Variants in TMEM117 observed in about 807,000 individuals in gnomAD.
TMEM117 encodes transmembrane protein 117.
TMEM117 carries 27 observed loss-of-function variants against 52.4 expected under a neutral mutation model. That is an observed-to-expected ratio of 0.51 (90% confidence interval 0.38 to 0.71). The LOEUF (loss-of-function observed/expected upper bound fraction) is 0.71. Among genes scored for constraint, TMEM117 ranks in the 30% least tolerant of loss-of-function variants. The pLI, the probability that TMEM117 is intolerant of heterozygous loss-of-function variation, is 0.00. For missense variants in TMEM117, 556 were observed against 630.5 expected, an observed-to-expected ratio of 0.88 and a Z score of 1.26; for synonymous variants, 215 against 206.3, an observed-to-expected ratio of 1.04 and a Z score of -0.36.
At chr12:43,899,836 CAG>C (rs1368326084) in intron 2 of TMEM117, among the ~76,000 whole-genome samples, 1 of 149,612 alleles carries the variant, frequency 6.7e-6, no homozygotes, top group Non-Finnish European at 1.5e-5. Context: ...TGGAAGCAGA[CAG>C]AGCTGGATTT....
chr12:43,947,114 AC>A (rs1945146254), intron 3 of TMEM117, among the ~76,000 whole-genome samples: 1 of 152,178 alleles, frequency 6.6e-6, no homozygotes, highest in African/African-American at 2.4e-5. Context: ...CAGCAGGATC[AC>A]TTAAGGCCAG....
chr12:43,865,270 A>C (rs1943570200), intron 2 of TMEM117, among the ~76,000 whole-genome samples: 1 of 152,206 alleles, frequency 6.6e-6, no homozygotes, highest in African/African-American at 2.4e-5. Flanking sequence ...AGTCATACCA[A>C]GTTAGAAGGA....
At chr12:43,968,591 T>C (rs1384325018) in intron 3 of TMEM117, among the ~76,000 whole-genome samples, 4 of 152,200 alleles carry the variant, frequency 2.6e-5, no homozygotes, top group African/African-American at 9.6e-5. Context: ...TTTTAAGTTA[T>C]TTGTTCCAAA....
intron 3 of TMEM117, among the ~76,000 whole-genome samples, chr12:44,043,674 CT>C (rs774761158): frequency 3.6e-4 from 55 of 152,282 alleles, no homozygotes; most frequent in Admixed American, 7.2e-4. Flanking sequence ...CCCAACACCC[CT>C]ATTTGCTTCT....
intron 4 of TMEM117, among the ~76,000 whole-genome samples, chr12:44,198,352 A>G (rs1440625775): frequency 1.3e-5 from 2 of 152,230 alleles, no homozygotes; most frequent in Non-Finnish European, 2.9e-5. Context: ...CGCGTGCATA[A>G]GAAAATAATG....
intron 6 of TMEM117, among the ~76,000 whole-genome samples, chr12:44,306,384 G>T (rs1950903408): frequency 6.6e-6 from 1 of 152,082 alleles, no homozygotes; most frequent in African/African-American, 2.4e-5. Context: ...ATATATGTGT[G>T]CCTATATACA....
chr12:44,030,700 T>C (rs1946619733), intron 3 of TMEM117, among the ~76,000 whole-genome samples: 1 of 152,232 alleles, frequency 6.6e-6, no homozygotes, highest in Non-Finnish European at 1.5e-5. Context: ...GGCAGTTATT[T>C]ATATCCTACT....
intron 3 of TMEM117, among the ~76,000 whole-genome samples, chr12:43,975,941 C>T (rs1425454948): frequency 6.6e-6 from 1 of 152,158 alleles, no homozygotes; most frequent in East Asian, 1.9e-4. Context: ...TCCCACTGGG[C>T]TCTGGATCTG....
chr12:44,190,042 GATT>G (rs1949330395), intron 4 of TMEM117, among the ~76,000 whole-genome samples: 1 of 152,186 alleles, frequency 6.6e-6, no homozygotes, highest in Admixed American at 6.5e-5. Flanking sequence ...GTAGGCCAAG[GATT>G]GGTCCACATG....
intron 5 of TMEM117, among the ~76,000 whole-genome samples, chr12:44,288,243 G>T (rs1360754136): frequency 6.6e-6 from 1 of 152,070 alleles, no homozygotes; most frequent in Non-Finnish European, 1.5e-5. Flanking sequence ...AAAGTATTTT[G>T]CTCCCTCTTT....
At chr12:44,253,870 A>G (rs1950224232) in intron 5 of TMEM117, among the ~76,000 whole-genome samples, 3 of 148,188 alleles carry the variant, frequency 2.0e-5, no homozygotes. Flanking sequence ...ACACACACAC[A>G]CACACACCTT....
At chr12:44,133,660 A>T (rs1300129481) in intron 3 of TMEM117, among the ~76,000 whole-genome samples, 2 of 152,068 alleles carry the variant, frequency 1.3e-5, no homozygotes, top group African/African-American at 4.8e-5. Flanking sequence ...AATGAGAACT[A>T]ATTCACTTCT....
At chr12:43,864,282 A>G (rs1943544142) in intron 2 of TMEM117, among the ~76,000 whole-genome samples, 1 of 152,208 alleles carries the variant, frequency 6.6e-6, no homozygotes, top group African/African-American at 2.4e-5. Context: ...TGAGGAGTGC[A>G]GGCACACTGC....
chr12:44,089,946 T>C (rs969363429), intron 3 of TMEM117, among the ~76,000 whole-genome samples: 5 of 152,306 alleles, frequency 3.3e-5, no homozygotes, highest in Admixed American at 1.3e-4. Flanking sequence ...AGGAGCTATA[T>C]TTTGCCAACC....
intron 5 of TMEM117, among the ~76,000 whole-genome samples, chr12:44,267,710 C>T (rs1205110278): frequency 6.6e-6 from 1 of 152,144 alleles, no homozygotes. Context: ...CATTCACTGC[C>T]TCTATGAGTT....
chr12:44,313,978 G>A (rs1951022748), intron 6 of TMEM117, among the ~76,000 whole-genome samples: 1 of 152,138 alleles, frequency 6.6e-6, no homozygotes, highest in African/African-American at 2.4e-5. Context: ...TACTAAAGTT[G>A]TTTATCTGGT....
intron 2 of TMEM117, among the ~76,000 whole-genome samples, chr12:43,846,335 T>G (rs916873153): frequency 8.0e-5 from 10 of 124,980 alleles, no homozygotes; most frequent in African/African-American, 5.4e-4. Flanking sequence ...ACATCTGTTA[T>G]GATGCGTTTG....
In TMEM117 at chr12:44,389,504, T is replaced by C. The variant is rs1249461040; in HGVS notation, c.*832T>C. On this transcript the variant is annotated 3_prime_UTR_variant, in exon 8 of 8. Coordinates refer to ENST00000266534, the MANE Select transcript of TMEM117 (RefSeq NM_032256.3). ...AACCAAGGAACTGAAGTTTTCATCATATGAGAGCAGCACATCCCACCATTT... is the reference window on the plus strand; with the variant it reads ...AACCAAGGAACTGAAGTTTTCATCACATGAGAGCAGCACATCCCACCATTT... The C allele has an allele frequency of 6.6e-6, 1 of 152,532 alleles. No individual in the cohort carries two copies. Among genetic ancestry groups the C allele is most frequent in the East Asian group, 1.9e-4 (1 of 5,190 alleles). 9.4% of individuals were successfully genotyped at this position (152,532 alleles called of 1,614,324 possible). A position where few individuals can be genotyped will look rare whatever the true frequency, so the allele number is the denominator to read the frequency against.
At chr12:44,167,178 C>A (rs528016657) in intron 4 of TMEM117, among the ~76,000 whole-genome samples, 4 of 152,196 alleles carry the variant, frequency 2.6e-5, no homozygotes, top group Admixed American at 6.5e-5. Flanking sequence ...TGTTATATAC[C>A]ATATTGAACG....
Sources: gnomAD v4.1 joint callset for allele counts (sites outside exome capture counted in the v4.1 genomes callset) on GRCh38, gnomAD v4.1.1 for gene constraint, MANE v1.5 for transcripts, NCBI Gene and HGNC (gene_info 2026-07-23, HGNC 2026-07-21) for gene names.